CDH13: variants seen among roughly 807,000 people sequenced by gnomAD.
The protein encoded by CDH13 is cadherin 13, also known as cadherin-13.
A neutral mutation model predicts 63.8 loss-of-function variants in CDH13; 24 were observed. The ratio of observed to expected loss-of-function variants is 0.38; its 90% CI spans 0.27 to 0.53. The LOEUF (loss-of-function observed/expected upper bound fraction) is 0.53. CDH13 is among the 20% of genes least tolerant of loss of function. CDH13 has a pLI of 0.85. For synonymous variants in CDH13, 503 were observed against 355.3 expected (o/e 1.42, Z -4.67); for missense variants, 1,049 against 903.1 (o/e 1.16, Z -2.07).
intron 1 of CDH13, among the ~76,000 whole-genome samples, chr16:82,809,257 C>A (rs1171007125): frequency 6.6e-6 from 1 of 151,542 alleles, no homozygotes; most frequent in African/African-American, 2.4e-5. Flanking sequence ...ATTATTTTTT[C>A]ATGTTCATTT....
At chr16:82,674,795 G>A (rs1392177346) in intron 1 of CDH13, among the ~76,000 whole-genome samples, 1 of 152,198 alleles carries the variant, frequency 6.6e-6, no homozygotes, top group Admixed American at 6.5e-5. Flanking sequence ...TTATAATTAT[G>A]GTATGTGTTG....
chr16:82,753,386 A>C (rs1313739306), intron 1 of CDH13, among the ~76,000 whole-genome samples: 1 of 152,072 alleles, frequency 6.6e-6, no homozygotes, highest in African/African-American at 2.4e-5. Context: ...TCTTCCCCTT[A>C]ACCCCTAACT....
chr16:83,094,434 C>A (rs2034090259), intron 3 of CDH13, among the ~76,000 whole-genome samples: 1 of 152,144 alleles, frequency 6.6e-6, no homozygotes, highest in African/African-American at 2.4e-5. Flanking sequence ...TCTCAACTGA[C>A]CCTGCAGAGA....
At chr16:83,367,637 C>A (rs1482769466) in intron 6 of CDH13, among the ~76,000 whole-genome samples, 1 of 152,168 alleles carries the variant, frequency 6.6e-6, no homozygotes, top group African/African-American at 2.4e-5. Context: ...TCTAATTTCT[C>A]CACTTTTTAC....
At chr16:83,303,584 A>G (rs74031990) in intron 5 of CDH13, among the ~76,000 whole-genome samples, 1 of 152,022 alleles carries the variant, frequency 6.6e-6, no homozygotes, top group African/African-American at 2.4e-5. Flanking sequence ...TAATGAAGTT[A>G]CAGGGAGGGG....
intron 4 of CDH13, among the ~76,000 whole-genome samples, chr16:83,199,389 G>A (rs1417644356): frequency 6.6e-6 from 1 of 152,176 alleles, no homozygotes; most frequent in East Asian, 1.9e-4. Context: ...CTGGAGTTTT[G>A]GATTGATCTG....
At chr16:83,113,464 C>T (rs750441492) in intron 3 of CDH13, among the ~76,000 whole-genome samples, 1 of 152,196 alleles carries the variant, frequency 6.6e-6, no homozygotes, top group Non-Finnish European at 1.5e-5. Context: ...TTTTAGACAC[C>T]TGCTCTATGC....
intron 13 of CDH13, among the ~76,000 whole-genome samples, chr16:83,787,530 A>G (rs375911106): frequency 1.2e-4 from 18 of 152,292 alleles, no homozygotes; most frequent in African/African-American, 3.6e-4. Context: ...ATCATTTACT[A>G]TGACCAACGC....
At chr16:82,849,038 G>T (rs2039377769) in intron 1 of CDH13, among the ~76,000 whole-genome samples, 1 of 152,164 alleles carries the variant, frequency 6.6e-6, no homozygotes, top group Non-Finnish European at 1.5e-5. Flanking sequence ...CTGAATAGAT[G>T]ATCAAACCAG....
intron 5 of CDH13, among the ~76,000 whole-genome samples, chr16:83,289,985 G>C (rs1029643245): frequency 3.3e-5 from 5 of 152,086 alleles, no homozygotes; most frequent in African/African-American, 4.8e-5. Flanking sequence ...CTAATCACCA[G>C]CTTCTCCCCA....
chr16:82,843,682 A>G (rs754061661), intron 1 of CDH13, among the ~76,000 whole-genome samples: 2 of 152,242 alleles, frequency 1.3e-5, no homozygotes, highest in Non-Finnish European at 2.9e-5. Flanking sequence ...ATTAATAAAA[A>G]CCTTCCCATG....
At chr16:83,127,768 G>A (rs1449811336) in intron 4 of CDH13, among the ~76,000 whole-genome samples, 1 of 152,136 alleles carries the variant, frequency 6.6e-6, no homozygotes, top group Non-Finnish European at 1.5e-5. Context: ...ATTGCAAATT[G>A]AAAGAAGTGC....
chr16:82,972,379 T>G (rs1310317476), intron 2 of CDH13, among the ~76,000 whole-genome samples: 1 of 152,218 alleles, frequency 6.6e-6, no homozygotes, highest in Non-Finnish European at 1.5e-5. Flanking sequence ...GTTCATTCCA[T>G]TTCTGCAGAG....
chr16:83,652,718 T>A (rs1912502290), intron 8 of CDH13, among the ~76,000 whole-genome samples: 1 of 152,160 alleles, frequency 6.6e-6, no homozygotes, highest in African/African-American at 2.4e-5. Context: ...ACCCAAGGGC[T>A]ACATATGGGT....
In CDH13 at chr16:83,310,417, C is replaced by G. The variant is rs139922428; in HGVS notation, c.637-34445C>G. ...GTGTGTGGGTACATGTGTGCACATA[C>G]ATACAAATATATGTAACAGATGCAT... is the stretch of plus-strand genomic sequence containing the variant. On this transcript the variant is annotated intron_variant, in intron 5 of 13. Transcript: ENST00000567109. Among the ~76,000 whole-genome samples the G allele has an allele frequency of 2.8e-3, 432 of 152,258 alleles. 1 individual carries two copies. Among genetic ancestry groups the G allele is most frequent in the African/African-American group, 9.6e-3 (397 of 41,538 alleles).
At chr16:82,862,777 A>G (rs932439160) in intron 2 of CDH13, among the ~76,000 whole-genome samples, 9 of 152,194 alleles carry the variant, frequency 5.9e-5, no homozygotes, top group African/African-American at 2.2e-4. Context: ...GTGAAAGTTT[A>G]TTTCTCACTC....
At chr16:83,734,777 A>G (rs972104326) in intron 10 of CDH13, among the ~76,000 whole-genome samples, 1 of 139,636 alleles carries the variant, frequency 7.2e-6, no homozygotes, top group Non-Finnish European at 1.6e-5. Context: ...AAAGCGGGGC[A>G]AGGAAGAGAA....
chr16:83,780,050 A>G lies in CDH13; in HGVS notation c.1764A>G (p.Thr588=), dbSNP rs776891507. The change falls in exon 12 of 14, where the codon ACA becomes ACG. Residue 588 remains threonine, a synonymous_variant. Coordinates refer to ENST00000567109, the MANE Select transcript of CDH13 (RefSeq NM_001257.5). ...VNDNAPFIYP[T]VAEVCDDAKN... The stretch of plus-strand genomic sequence containing the variant: ...ACAATGCCCCGTTCATTTACCCCAC[A>G]GTAGCTGAAGTCTGTGATGATGCCA... 5.6e-6 allele frequency: 9 copies of G among 1,613,986 alleles called. No individual in the cohort carries two copies. Among genetic ancestry groups the G allele is most frequent in the Non-Finnish European group, 7.6e-6 (9 of 1,179,878 alleles).
intron 4 of CDH13, among the ~76,000 whole-genome samples, chr16:83,214,255 C>A (rs533364715): frequency 1.3e-5 from 2 of 151,954 alleles, no homozygotes; most frequent in Non-Finnish European, 2.9e-5. Context: ...GAGCACTTCT[C>A]TTCTGGGAGG....
Sources: allele counts gnomAD v4.1 joint callset (sites outside exome capture counted in the v4.1 genomes callset), GRCh38; gene constraint gnomAD v4.1.1; transcripts MANE v1.5; gene names NCBI Gene and HGNC (gene_info 2026-07-23, HGNC 2026-07-21).